MTRES1: variants seen among roughly 807,000 people sequenced by gnomAD.
The protein encoded by MTRES1 is mitochondrial transcription rescue factor 1, also known as uncharacterized protein C6orf203.
Under a neutral mutation model 17.4 loss-of-function variants are expected in MTRES1, and 11 were observed. The observed-to-expected ratio is 0.63, with a 90% CI of 0.40 to 1.05. The LOEUF (loss-of-function observed/expected upper bound fraction) is 1.05. Among genes scored for constraint, MTRES1 ranks in the 50% least tolerant of loss-of-function variants. The pLI, the probability that MTRES1 is intolerant of heterozygous loss-of-function variation, is 0.00. For synonymous variants in MTRES1, 94 were observed against 99.6 expected (o/e 0.94, Z 0.34); for missense variants, 268 against 276.2 (o/e 0.97, Z 0.21).
chr6:107,036,549 G>C (rs184632777), intron 1 of MTRES1, among the ~76,000 whole-genome samples: 81 of 151,420 alleles, frequency 5.3e-4, no homozygotes, highest in Non-Finnish European at 7.2e-4. Context: ...CTCAAAAAAA[G>C]TTGTTTAATT....
chr6:107,032,095 C>T (rs1024570874), intron 1 of MTRES1, among the ~76,000 whole-genome samples: 6 of 152,146 alleles, frequency 3.9e-5, no homozygotes, highest in Admixed American at 1.3e-4. Context: ...GAGAGTTAGA[C>T]AACTGTTTTG....
At chr6:107,028,900 A>G in intron 1 of MTRES1, 2 of 984,824 alleles carry the variant, frequency 2.0e-6, no homozygotes, top group African/African-American at 1.7e-5. Flanking sequence ...CGCCAAAGAG[A>G]TCTTTTAAAA....
intron 1 of MTRES1, among the ~76,000 whole-genome samples, chr6:107,032,617 G>A (rs568557913): frequency 3.9e-5 from 6 of 152,162 alleles, no homozygotes; most frequent in Non-Finnish European, 5.9e-5. Context: ...AGGCTGAGGC[G>A]GGAGAATTGC....
rs185468237 is a variant in MTRES1, at chr6:107,028,742, G to A, written c.-13+471G>A. The A allele has an allele frequency of 2.2e-3, 494 of 221,558 alleles. 2 individuals are homozygous for A. The highest frequency in any genetic ancestry group is 3.1e-3 in the Non-Finnish European group (414 of 132,046). The allele number at this position is 221,558 out of a possible 1,614,324, so 13.7% of individuals were successfully genotyped here. ...AATGTGGAGCGTTTCCTGGCGTCAA[G>A]CAGGTCAAAGTCAGCGCTGCTTTTT... On this transcript the variant is annotated intron_variant, in intron 1 of 3. Coordinates refer to ENST00000311381, the MANE Select transcript of MTRES1 (RefSeq NM_016487.5).
chr6:107,050,857 G>A (rs782134776), intron 3 of MTRES1, among the ~76,000 whole-genome samples, 200 bp from the exon 4 acceptor site: 11 of 152,084 alleles, frequency 7.2e-5, no homozygotes, highest in South Asian at 2.1e-4. Context: ...GATTACAGGC[G>A]TGAGCCACCG....
In MTRES1 at chr6:107,034,032, A is replaced by T. The variant is rs911378437; in HGVS notation, c.-12-5717A>T. On this transcript the variant is annotated intron_variant, in intron 1 of 3. Coordinates refer to ENST00000311381, the MANE Select transcript of MTRES1 (RefSeq NM_016487.5). Reference sequence around the variant, plus strand: ...AGAAAGTTAAGCTGATCACAATGAGAGGTAGTGAGTAGCTAATAAACACAA... The same window carrying T: ...AGAAAGTTAAGCTGATCACAATGAGTGGTAGTGAGTAGCTAATAAACACAA... Among the ~76,000 whole-genome samples the T allele has an allele frequency of 3.3e-5, 5 of 152,282 alleles. No homozygotes were observed. In the South Asian group the frequency reaches 1.0e-3, roughly 32 times the overall value.
intron 1 of MTRES1, among the ~76,000 whole-genome samples, chr6:107,030,768 C>T (rs782464754): frequency 2.0e-5 from 3 of 152,226 alleles, no homozygotes; most frequent in Admixed American, 6.6e-5. Flanking sequence ...TGGGAACCCT[C>T]GTGAAGTTCA....
chr6:107,041,094 C>T (rs187292080), intron 2 of MTRES1, among the ~76,000 whole-genome samples: 5 of 150,284 alleles, frequency 3.3e-5, no homozygotes, highest in African/African-American at 9.9e-5. Context: ...GGCGTGGTGG[C>T]AGGCGCCTGT....
At chr6:107,029,012 T>A in intron 1 of MTRES1, 1 of 333,174 alleles carries the variant, frequency 3.0e-6, no homozygotes, top group East Asian at 1.8e-4. Context: ...TTCCACAGGG[T>A]GTTGTTTTGT....
chr6:107,032,540 A>G (rs1352407765), intron 1 of MTRES1, among the ~76,000 whole-genome samples: 3 of 152,078 alleles, frequency 2.0e-5, no homozygotes, highest in East Asian at 1.9e-4. Flanking sequence ...GTGAAACCCC[A>G]TCTCTGCTAA....
At chr6:107,049,464 A>AGT (rs1774514567) in intron 3 of MTRES1, among the ~76,000 whole-genome samples, 2 of 123,092 alleles carry the variant, frequency 1.6e-5, no homozygotes, top group African/African-American at 6.4e-5. Context: ...CCCAGGCTGG[A>AGT]GTGCAGTGGC....
intron 1 of MTRES1, among the ~76,000 whole-genome samples, chr6:107,036,167 G>A (rs1774000647): frequency 6.6e-6 from 1 of 152,048 alleles, no homozygotes; most frequent in African/African-American, 2.4e-5. Flanking sequence ...ACAAACCTGT[G>A]ACAAAGTTTT....
At chr6:107,029,342 C>T (rs1554226128) in intron 1 of MTRES1, among the ~76,000 whole-genome samples, 1 of 152,162 alleles carries the variant, frequency 6.6e-6, no homozygotes, top group African/African-American at 2.4e-5. Context: ...CGCCTGCCAC[C>T]ACGCCCGGCT....
chr6:107,031,047 G>A (rs1773818423), intron 1 of MTRES1, among the ~76,000 whole-genome samples: 1 of 152,098 alleles, frequency 6.6e-6, no homozygotes, highest in Non-Finnish European at 1.5e-5. Flanking sequence ...TAGAAGAGAA[G>A]AGGACCAAAG....
In MTRES1 at chr6:107,051,066, G is replaced by T; in HGVS notation, c.553G>T (p.Gly185Ter). The T allele has an allele frequency of 6.2e-7, 1 of 1,608,564 alleles. No individual in the cohort carries two copies. The highest frequency in any genetic ancestry group is 8.5e-7 in the Non-Finnish European group (1 of 1,177,676). ...LWKKSRTVKV[G>*]DTLDLLIGED... ...TTCTTTTAATTTTCAGGTGAAAGTG[G>T]GAGATACATTGGATCTTCTCATTGG... Residue 185 changes from glycine to a stop codon, truncating the protein, a stop_gained, in exon 4 of 4, where the codon GGA becomes TGA. Coordinates refer to ENST00000311381, the MANE Select transcript of MTRES1 (RefSeq NM_016487.5). LOFTEE classifies it high-confidence loss of function.
At chr6:107,036,324 A>C (rs1774005483) in intron 1 of MTRES1, among the ~76,000 whole-genome samples, 1 of 152,030 alleles carries the variant, frequency 6.6e-6, no homozygotes, top group Non-Finnish European at 1.5e-5. Context: ...CGGACAGATC[A>C]CCTGAGGTCA....
chr6:107,047,286 A>G (rs1554228538), intron 3 of MTRES1, among the ~76,000 whole-genome samples: 2 of 151,690 alleles, frequency 1.3e-5, no homozygotes, highest in African/African-American at 4.8e-5. Flanking sequence ...GCGGTGGTGC[A>G]GCCACAGCTC....
intron 1 of MTRES1, chr6:107,030,219 T>C (rs1773790484): frequency 2.8e-6 from 2 of 715,122 alleles, no homozygotes; most frequent in Non-Finnish European, 5.2e-6. Flanking sequence ...CACCAGATCC[T>C]ATAGAGCCTT....
chr6:107,043,998 C>T (rs1408076628), intron 2 of MTRES1, among the ~76,000 whole-genome samples: 1 of 152,132 alleles, frequency 6.6e-6, no homozygotes, highest in African/African-American at 2.4e-5. Context: ...TGATGTGTGC[C>T]TGTAGTCCCA....
Sources: gnomAD v4.1 joint callset for allele counts (sites outside exome capture counted in the v4.1 genomes callset) on GRCh38, gnomAD v4.1.1 for gene constraint, MANE v1.5 for transcripts, NCBI Gene and HGNC (gene_info 2026-07-23, HGNC 2026-07-21) for gene names.